GET4: variants seen among roughly 807,000 people sequenced by gnomAD.
GET4 encodes Golgi to ER traffic protein 4 homolog.
A neutral mutation model predicts 40.0 loss-of-function variants in GET4; 20 were observed. The ratio of observed to expected loss-of-function variants is 0.50; its 90% confidence interval spans 0.35 to 0.73. GET4 has a LOEUF of 0.73. GET4 is among the 30% of genes least tolerant of loss of function. The probability of loss-of-function intolerance (pLI) is 0.01; values close to 1 mark genes in which losing one functional copy is unlikely to be tolerated. For missense variants in GET4, 557 were observed against 454.0 expected (o/e 1.23, Z -2.06); for synonymous variants, 280 against 194.6 (o/e 1.44, Z -3.65).
chr7:892,154 A>C, intron 5 of GET4, 124 bp from the exon 6 acceptor site: 1 of 924,646 alleles, frequency 1.1e-6, no homozygotes, highest in Non-Finnish European at 1.7e-6. Context: ...GGGTCCCTCC[A>C]TGGCCTTGGG....
chr7:878,751 T>C (rs2128626222), intron 1 of GET4, among the ~76,000 whole-genome samples: 1 of 152,134 alleles, frequency 6.6e-6, no homozygotes, highest in Admixed American at 6.5e-5. Context: ...CGGCTAATTT[T>C]TGTATTTTTA....
intron 1 of GET4, chr7:885,228 G>A (rs1027533631): frequency 2.6e-5 from 4 of 152,250 alleles, no homozygotes; most frequent in African/African-American, 4.8e-5. Flanking sequence ...AGAAAAACGT[G>A]TAGCCAATGA....
intron 1 of GET4, among the ~76,000 whole-genome samples, chr7:877,339 GTC>G (rs1381131629): frequency 9.6e-5 from 4 of 41,596 alleles, no homozygotes; most frequent in Admixed American, 3.3e-4. Flanking sequence ...CCTGCCCCTC[GTC>G]TCTCTCTCGC....
intron 6 of GET4, among the ~76,000 whole-genome samples, chr7:893,088 T>TGCGGGC (rs1562898040): frequency 8.8e-6 from 1 of 114,072 alleles, no homozygotes; most frequent in Non-Finnish European, 1.8e-5. Flanking sequence ...GAGTGTTGGG[T>TGCGGGC]GCGGGCGTGG....
intron 1 of GET4, among the ~76,000 whole-genome samples, chr7:879,285 A>T (rs1020869802): frequency 2.0e-5 from 3 of 152,220 alleles, no homozygotes; most frequent in Non-Finnish European, 4.4e-5. Context: ...AGTGGCCGGC[A>T]CGCCGCGGTG....
intron 1 of GET4, among the ~76,000 whole-genome samples, chr7:877,224 GCCT>G (rs1843976507): frequency 1.7e-5 from 2 of 114,980 alleles, no homozygotes; most frequent in Non-Finnish European, 3.5e-5. Flanking sequence ...TCTCTCTCTG[GCCT>G]TCTCCTTCTT....
intron 1 of GET4, chr7:883,711 C>T (rs931830466): frequency 1.6e-5 from 16 of 985,928 alleles, no homozygotes; most frequent in Middle Eastern, 5.2e-4. Context: ...CCAGCTGCCC[C>T]CCACTCTCCC....
intron 4 of GET4, among the ~76,000 whole-genome samples, chr7:889,113 G>A (rs776723072): frequency 1.1e-4 from 17 of 152,262 alleles, no homozygotes; most frequent in Non-Finnish European, 1.8e-4. Flanking sequence ...CACCCACCAC[G>A]GGATCAGGTT....
chr7:895,298 G>T (rs898713370), intron 8 of GET4, 36 bp from the exon 9 acceptor site: 4 of 1,073,034 alleles, frequency 3.7e-6, no homozygotes, highest in Non-Finnish European at 5.7e-6. Flanking sequence ...GTGGGAGGCT[G>T]CCCAGGCGTG....
At chr7:883,174 C>G (rs1844121108) in intron 1 of GET4, 1 of 152,258 alleles carries the variant, frequency 6.6e-6, no homozygotes, top group Non-Finnish European at 1.5e-5. Context: ...AGGCCTCAGC[C>G]CTCCTTACAG....
chr7:879,667 T>C (rs1041795637), intron 1 of GET4: 6 of 152,250 alleles, frequency 3.9e-5, no homozygotes, highest in Non-Finnish European at 5.9e-5. Flanking sequence ...TACTGTTGTG[T>C]TGTAGATGCT....
intron 1 of GET4, 154 bp from the exon 2 acceptor site, chr7:885,902 C>T: frequency 1.6e-6 from 1 of 636,462 alleles, no homozygotes; most frequent in South Asian, 1.8e-5. Context: ...CAGGATAGAC[C>T]CCCTCCACGC....
chr7:894,055 G>A, intron 8 of GET4, 84 bp downstream of exon 8: 3 of 759,642 alleles, frequency 3.9e-6, no homozygotes, highest in Non-Finnish European at 6.3e-6. Context: ...GTCCAGTGCG[G>A]TCCTTCACGT....
intron 5 of GET4, among the ~76,000 whole-genome samples, chr7:891,847 AGGG>A (rs1844329902): frequency 1.4e-5 from 2 of 141,198 alleles, no homozygotes; most frequent in South Asian, 4.2e-4. Context: ...CTGGGCTGAC[AGGG>A]GCCCTGCCCC....
chr7:878,167 G>C (rs1844006770), intron 1 of GET4: 1 of 433,116 alleles, frequency 2.3e-6, no homozygotes, highest in African/African-American at 2.0e-5. Flanking sequence ...TGGAGGGCGA[G>C]CGCGAGCAGA....
intron 3 of GET4, 61 bp downstream of exon 3, chr7:886,711 G>A (rs1388403065): frequency 2.8e-6 from 3 of 1,064,108 alleles, no homozygotes; most frequent in African/African-American, 1.6e-5. Flanking sequence ...GCCCCTCCCC[G>A]GGTCTCTGCG....
chr7:893,615 G>T, intron 6 of GET4, 125 bp from the exon 7 acceptor site: 1 of 632,802 alleles, frequency 1.6e-6, no homozygotes, highest in South Asian at 1.8e-5. Flanking sequence ...GTGTGTGCAG[G>T]TGAGTGTTGG....
chr7:893,869 C>G (rs1261046222), intron 7 of GET4, 30 bp from the exon 8 acceptor site: 1 of 1,610,096 alleles, frequency 6.2e-7, no homozygotes, highest in Non-Finnish European at 8.5e-7. Context: ...TGGGTCCACC[C>G]CCTCTGAGCC....
intron 1 of GET4, among the ~76,000 whole-genome samples, chr7:877,585 C>T (rs1207318430): frequency 1.5e-5 from 2 of 133,118 alleles, no homozygotes; most frequent in African/African-American, 5.9e-5. Context: ...GCTTCCCTCT[C>T]CTAGCCTCCA....
Sources: allele counts gnomAD v4.1 joint callset (sites outside exome capture counted in the v4.1 genomes callset), GRCh38; gene constraint gnomAD v4.1.1; transcripts MANE v1.5; gene names NCBI Gene and HGNC (gene_info 2026-07-23, HGNC 2026-07-21).